SORBS2: variants seen among roughly 807,000 people sequenced by gnomAD.
SORBS2 encodes sorbin and SH3 domain-containing protein 2.
Under a neutral mutation model 97.7 loss-of-function variants are expected in SORBS2, and 46 were observed. That is an observed-to-expected ratio of 0.47 (90% CI 0.37 to 0.60). SORBS2 has a LOEUF of 0.60. Ranked by LOEUF, SORBS2 falls within the 20% of genes least tolerant of loss-of-function variation. SORBS2 has a pLI of 0.00. For synonymous variants in SORBS2, 476 were observed against 473.4 expected (o/e 1.01, Z -0.07); for missense variants, 1,316 against 1,282.3 (o/e 1.03, Z -0.40).
chr4:185,702,562 A>T (rs2098279392), intron 2 of SORBS2, among the ~76,000 whole-genome samples: 1 of 152,184 alleles, frequency 6.6e-6, no homozygotes, highest in Non-Finnish European at 1.5e-5. Context: ...AAATATCCAG[A>T]CCATAGCACA....
At chr4:185,895,368 C>G (rs1298537467) in intron 1 of SORBS2, among the ~76,000 whole-genome samples, 1 of 152,214 alleles carries the variant, frequency 6.6e-6, no homozygotes, top group Non-Finnish European at 1.5e-5. Flanking sequence ...CCAAGAAGAC[C>G]AGGTAAGTCT....
chr4:185,951,011 G>A (rs1444540909), intron 1 of SORBS2, among the ~76,000 whole-genome samples: 3 of 152,154 alleles, frequency 2.0e-5, no homozygotes, highest in African/African-American at 7.2e-5. Context: ...ATGTAAGATG[G>A]ATTGATTCAC....
intron 1 of SORBS2, among the ~76,000 whole-genome samples, chr4:185,839,842 G>T (rs1040224642): frequency 6.6e-6 from 1 of 152,206 alleles, no homozygotes; most frequent in Non-Finnish European, 1.5e-5. Context: ...CCTGTTTAAA[G>T]AAGGATCCTT....
chr4:185,653,278 T>C (rs1197918323), intron 1 of SORBS2, among the ~76,000 whole-genome samples: 1 of 152,220 alleles, frequency 6.6e-6, no homozygotes, highest in African/African-American at 2.4e-5. Flanking sequence ...ACGGAAAATT[T>C]AAGAATGTAG....
chr4:185,610,579 A>G (rs953019218), intron 12 of SORBS2, among the ~76,000 whole-genome samples: 5 of 152,152 alleles, frequency 3.3e-5, no homozygotes, highest in Non-Finnish European at 7.4e-5. Context: ...CCTTCTAAAA[A>G]AAAATGCCTC....
intron 1 of SORBS2, among the ~76,000 whole-genome samples, chr4:185,794,318 T>C (rs1454508490): frequency 6.6e-6 from 1 of 152,168 alleles, no homozygotes; most frequent in Non-Finnish European, 1.5e-5. Flanking sequence ...GCCCCACTGA[T>C]GAGTGTCTGA....
At chr4:185,678,804 G>T in exon 3 of SORBS2, 1 of 1,464,704 alleles carries the variant, frequency 6.8e-7, no homozygotes, top group Non-Finnish European at 9.1e-7. Flanking sequence ...ACCTGAGTCT[G>T]GTGACTGAGA....
At chr4:185,695,613 A>T (rs773845429) in intron 2 of SORBS2, among the ~76,000 whole-genome samples, 35 of 152,076 alleles carry the variant, frequency 2.3e-4, no homozygotes, top group Admixed American at 4.6e-4. Context: ...TTGAAATGGG[A>T]TCATTTGTAG....
At chr4:185,881,539 T>C (rs1358159642) in intron 1 of SORBS2, among the ~76,000 whole-genome samples, 2 of 152,084 alleles carry the variant, frequency 1.3e-5, no homozygotes, top group Non-Finnish European at 2.9e-5. Context: ...TGGTGAAAAA[T>C]TTAGGCTAAC....
At chr4:185,729,672 C>T (rs143398799) in intron 2 of SORBS2, among the ~76,000 whole-genome samples, 28 of 152,344 alleles carry the variant, frequency 1.8e-4, no homozygotes, top group African/African-American at 6.5e-4. Flanking sequence ...CATTACTTTT[C>T]CTCTTTTTCT....
intron 1 of SORBS2, among the ~76,000 whole-genome samples, chr4:185,842,763 T>C (rs2099212342): frequency 6.6e-6 from 1 of 151,912 alleles, no homozygotes; most frequent in South Asian, 2.1e-4. Context: ...GGTGAAACCC[T>C]GTCTCTACTA....
At chr4:185,710,584 C>G (rs1159413824) in intron 2 of SORBS2, among the ~76,000 whole-genome samples, 1 of 152,188 alleles carries the variant, frequency 6.6e-6, no homozygotes, top group Non-Finnish European at 1.5e-5. Flanking sequence ...TTCCTACATG[C>G]TGACTGTTTG....
chr4:185,605,184 G>A (rs1045212767), intron 12 of SORBS2, among the ~76,000 whole-genome samples: 1 of 152,342 alleles, frequency 6.6e-6, no homozygotes, highest in East Asian at 1.9e-4. Flanking sequence ...GACTTGGATA[G>A]TAGCGTAATA....
At chr4:185,925,435 A>G (rs2099263135) in intron 1 of SORBS2, among the ~76,000 whole-genome samples, 1 of 152,216 alleles carries the variant, frequency 6.6e-6, no homozygotes, top group South Asian at 2.1e-4. Flanking sequence ...TAAGGATGAA[A>G]GTACTCAATG....
In SORBS2 at chr4:185,751,172, T is replaced by TAAAAAAAAAAAAAAAAAAAAA. The variant is rs71593649; in HGVS notation, c.-198+24054_-198+24055insTTTTTTTTTTTTTTTTTTTTT. 2.2e-3 allele frequency among the ~76,000 whole-genome samples: 70 copies of TAAAAAAAAAAAAAAAAAAAAA among 31,628 alleles called. 8 individuals are homozygous for TAAAAAAAAAAAAAAAAAAAAA. Among genetic ancestry groups the TAAAAAAAAAAAAAAAAAAAAA allele is most frequent in the Non-Finnish European group, 3.0e-3 (46 of 15,428 alleles). The allele number at this position is 31,628 out of a possible 152,430, so 20.7% of individuals were successfully genotyped here. On this transcript the variant is annotated intron_variant, in intron 2 of 20. Coordinates refer to the SORBS2 transcript ENST00000284776. ...AAGGAATGCTCTTAGCTCTAAATAC[T>TAAAAAAAAAAAAAAAAAAAAA]AAAAAAAAAAAAAAAAAAAGAGAAA...
At chr4:185,601,891 A>T (rs60336527) in intron 12 of SORBS2, among the ~76,000 whole-genome samples, 16,137 of 152,222 alleles carry the variant, frequency 0.11, 932 homozygotes, top group East Asian at 0.21. Flanking sequence ...GAAGAAACCT[A>T]AAAAAGAGCC....
chr4:185,760,461 A>T (rs1158391809), intron 2 of SORBS2, among the ~76,000 whole-genome samples: 1 of 152,134 alleles, frequency 6.6e-6, no homozygotes, highest in African/African-American at 2.4e-5. Context: ...TTCTCAGGAG[A>T]CTGAGGCAGG....
intron 1 of SORBS2, among the ~76,000 whole-genome samples, chr4:185,859,692 G>A (rs1047704294): frequency 1.3e-5 from 2 of 152,148 alleles, no homozygotes; most frequent in Non-Finnish European, 2.9e-5. Flanking sequence ...AGCCTCCTGA[G>A]GTCAGGGATC....
intron 1 of SORBS2, among the ~76,000 whole-genome samples, chr4:185,831,007 T>G (rs887963161): frequency 6.6e-6 from 1 of 152,194 alleles, no homozygotes; most frequent in Non-Finnish European, 1.5e-5. Flanking sequence ...CTCTTCCTTA[T>G]TTGGGCGCTA....
Sources: gnomAD v4.1 joint callset for allele counts (sites outside exome capture counted in the v4.1 genomes callset) on GRCh38, gnomAD v4.1.1 for gene constraint, MANE v1.5 for transcripts, NCBI Gene and HGNC (gene_info 2026-07-23, HGNC 2026-07-21) for gene names.